Variants in CNTN1 observed in about 807,000 individuals in gnomAD.
CNTN1 encodes the protein contactin 1.
Under a neutral mutation model 126.4 loss-of-function variants are expected in CNTN1, and 38 were observed. That is an observed-to-expected ratio of 0.30 (90% CI 0.23 to 0.39). The LOEUF is 0.39. CNTN1 is among the 10% of genes least tolerant of loss of function. The pLI is 1.00. For synonymous variants in CNTN1, 413 were observed against 422.6 expected, an observed-to-expected ratio of 0.98 and a Z score of 0.28; for missense variants, 1,009 against 1,248.4, an observed-to-expected ratio of 0.81 and a Z score of 2.89.
chr12:40,844,036 C>T (rs1399269926), intron 1 of CNTN1, among the ~76,000 whole-genome samples: 1 of 137,208 alleles, frequency 7.3e-6, no homozygotes, highest in East Asian at 2.2e-4. Flanking sequence ...TAATAAATGC[C>T]ATATTTTATT....
chr12:40,865,588 T>C (rs1943268262), intron 1 of CNTN1, among the ~76,000 whole-genome samples: 1 of 152,102 alleles, frequency 6.6e-6, no homozygotes, highest in African/African-American at 2.4e-5. Context: ...CAGTACCATA[T>C]ACTCATTGAA....
At chr12:41,006,047 G>A (rs1329321537) in intron 17 of CNTN1, among the ~76,000 whole-genome samples, 1 of 151,892 alleles carries the variant, frequency 6.6e-6, no homozygotes, top group Non-Finnish European at 1.5e-5. Context: ...CATCTTTGTG[G>A]GCTTATCTAC....
At chr12:41,020,304 C>T in intron 19 of CNTN1, 33 bp from the exon 20 acceptor site, 1 of 1,324,278 alleles carries the variant, frequency 7.6e-7, no homozygotes, top group Non-Finnish European at 1.1e-6. Context: ...GTAAATATCT[C>T]ACTAATAATA....
chr12:40,888,173 TAAAG>T lies in CNTN1; in HGVS notation c.-76-20182_-76-20179del, dbSNP rs902150542. ...GAAACTTAAAGTATAATAATAATAATAAAGAGTCTTTTATCCTAATTTATAGTGA... is the reference window on the plus strand; with the variant it reads ...GAAACTTAAAGTATAATAATAATAATAGTCTTTTATCCTAATTTATAGTGA... On this transcript the variant is annotated intron_variant, in intron 1 of 23. Transcript: ENST00000551295. Among the ~76,000 whole-genome samples, 687 of 152,144 alleles carry T rather than the reference TAAAG, an allele frequency of 4.5e-3. 3 individuals are homozygous for T. Among genetic ancestry groups the T allele is most frequent in the African/African-American group, 0.015 (615 of 41,522 alleles).
chr12:40,707,046 G>GCACACA (rs59993134), intron 1 of CNTN1, among the ~76,000 whole-genome samples: 9 of 149,316 alleles, frequency 6.0e-5, no homozygotes, highest in African/African-American at 2.2e-4. Flanking sequence ...GCGCGCTTGC[G>GCACACA]CACACACACA....
chr12:40,907,709 T>G (rs1240694100), intron 1 of CNTN1, among the ~76,000 whole-genome samples: 1 of 152,242 alleles, frequency 6.6e-6, no homozygotes, highest in Non-Finnish European at 1.5e-5. Context: ...GATTGTCCCC[T>G]GTTGACATGC....
Position 40,990,537 on chromosome 12 carries a change from C to A in CNTN1, c.1964-2583C>A, listed in dbSNP as rs532243838. On this transcript the variant is annotated intron_variant, in intron 16 of 23. Coordinates refer to ENST00000551295, the MANE Select transcript of CNTN1 (RefSeq NM_001843.4). ...ATCCAGATCTAGCATAAAATGACTC[C>A]TGTTGACTTTTCTTGCCTTACCTAC... Among the ~76,000 whole-genome samples the A allele has an allele frequency of 1.8e-4, 28 of 152,306 alleles. 2 individuals carry two copies. The South Asian group carries it at 5.6e-3, about 30-fold the overall frequency.
chr12:40,961,484 T>C (rs1032514789), intron 15 of CNTN1, among the ~76,000 whole-genome samples: 1 of 152,104 alleles, frequency 6.6e-6, no homozygotes, highest in African/African-American at 2.4e-5. Context: ...TTAAGTGATA[T>C]TATTATTGGT....
chr12:41,040,364 GAA>G (rs1460437983), intron 23 of CNTN1, among the ~76,000 whole-genome samples: 1 of 152,128 alleles, frequency 6.6e-6, no homozygotes, highest in African/African-American at 2.4e-5. Context: ...AGCAGAGAGA[GAA>G]AGATTTTTTG....
chr12:40,884,785 A>T (rs1943976047), intron 1 of CNTN1, among the ~76,000 whole-genome samples: 1 of 151,532 alleles, frequency 6.6e-6, no homozygotes, highest in South Asian at 2.1e-4. Context: ...AACTGCTGTG[A>T]GTTCCTTATA....
At chr12:41,068,442 T>C (rs1402331215) in intron 23 of CNTN1, among the ~76,000 whole-genome samples, 1 of 152,092 alleles carries the variant, frequency 6.6e-6, no homozygotes. Context: ...CTTTTGACCC[T>C]CACTTTCCTG....
At chr12:40,844,313 G>C (rs1055011982) in intron 1 of CNTN1, among the ~76,000 whole-genome samples, 23 of 151,730 alleles carry the variant, frequency 1.5e-4, no homozygotes, top group African/African-American at 5.6e-4. Context: ...CGATACACCC[G>C]CCTCGGCCTC....
intron 1 of CNTN1, among the ~76,000 whole-genome samples, chr12:40,800,699 G>C (rs772413342): frequency 6.6e-6 from 1 of 151,932 alleles, no homozygotes; most frequent in Non-Finnish European, 1.5e-5. Flanking sequence ...TCTGGCAGTC[G>C]TCTCCACATC....
intron 1 of CNTN1, among the ~76,000 whole-genome samples, chr12:40,781,114 G>T (rs1352058361): frequency 6.6e-6 from 1 of 151,866 alleles, no homozygotes; most frequent in African/African-American, 2.4e-5. Flanking sequence ...CCCTCGAAAT[G>T]TAAGTGACCA....
At chr12:40,878,469 T>C (rs1373519564) in intron 1 of CNTN1, among the ~76,000 whole-genome samples, 1 of 152,206 alleles carries the variant, frequency 6.6e-6, no homozygotes, top group Non-Finnish European at 1.5e-5. Context: ...CAACTACAAA[T>C]GACTGACATG....
intron 17 of CNTN1, among the ~76,000 whole-genome samples, chr12:40,999,367 T>C (rs1307043332): frequency 6.6e-6 from 1 of 152,206 alleles, no homozygotes; most frequent in East Asian, 1.9e-4. Flanking sequence ...ATTTATTGTG[T>C]AAAGAATGTC....
intron 16 of CNTN1, among the ~76,000 whole-genome samples, chr12:40,985,368 T>C (rs1947931541): frequency 6.6e-6 from 1 of 152,120 alleles, no homozygotes; most frequent in Admixed American, 6.6e-5. Context: ...ATAATTTGCA[T>C]TACTAAGAAA....
chr12:40,898,004 G>A (rs1016459198), intron 1 of CNTN1, among the ~76,000 whole-genome samples: 2 of 152,130 alleles, frequency 1.3e-5, no homozygotes, highest in South Asian at 2.1e-4. Flanking sequence ...TTCTTCAAGG[G>A]TCTCTGAATT....
chr12:40,726,511 A>AG lies in CNTN1; in HGVS notation c.-77+33919_-77+33920insG. ...AGGGGAAATGCCAGGTGCTTATACA[A>AG]CCATCAGATCTCCTGAGACTCACTC... On this transcript the variant is annotated intron_variant, in intron 1 of 23. Transcript: ENST00000551295. Among the ~76,000 whole-genome samples the AG allele has an allele frequency of 2.0e-5, 3 of 152,218 alleles. No individual in the cohort carries two copies. In the Middle Eastern group the frequency reaches 0.01, roughly 518 times the overall value.
Sources: gnomAD v4.1 joint callset for allele counts (sites outside exome capture counted in the v4.1 genomes callset) on GRCh38, gnomAD v4.1.1 for gene constraint, MANE v1.5 for transcripts, NCBI Gene and HGNC (gene_info 2026-07-23, HGNC 2026-07-21) for gene names.